PALM2AKAP2: variants seen among roughly 807,000 people sequenced by gnomAD.
PALM2AKAP2 encodes the protein PALM2-AKAP2 fusion protein.
In PALM2AKAP2, 37 loss-of-function variants were observed where a neutral mutation model predicts 71.5. The ratio of observed to expected loss-of-function variants is 0.52; its 90% CI spans 0.40 to 0.68. The LOEUF (loss-of-function observed/expected upper bound fraction) is 0.68, where lower values mean the gene tolerates loss of function less well. PALM2AKAP2 is among the 30% of genes least tolerant of loss of function. The pLI is 0.00. For missense variants in PALM2AKAP2, 1,224 were observed against 1,191.8 expected, an observed-to-expected ratio of 1.03 and a Z score of -0.40; for synonymous variants, 468 against 478.8, an observed-to-expected ratio of 0.98 and a Z score of 0.29.
intron 1 of PALM2AKAP2, among the ~76,000 whole-genome samples, chr9:110,070,421 A>G (rs952945103): frequency 2.6e-5 from 4 of 152,186 alleles, no homozygotes; most frequent in African/African-American, 9.7e-5. Context: ...AGTAAATTTA[A>G]AAACTAAAAA....
At chr9:109,881,737 A>G (rs1255387237) in intron 3 of PALM2AKAP2, among the ~76,000 whole-genome samples, 1 of 152,140 alleles carries the variant, frequency 6.6e-6, no homozygotes, top group African/African-American at 2.4e-5. Flanking sequence ...ACACCTAGCC[A>G]GAGAGATATG....
intron 1 of PALM2AKAP2, among the ~76,000 whole-genome samples, chr9:110,074,888 A>C (rs112505022): frequency 0.057 from 8,744 of 152,232 alleles, 347 homozygotes; most frequent in Non-Finnish European, 0.09. Context: ...CTGTAATCCC[A>C]GCTACTTGGG....
chr9:110,094,883 G>T (rs922425185), intron 1 of PALM2AKAP2, among the ~76,000 whole-genome samples: 9 of 152,188 alleles, frequency 5.9e-5, no homozygotes, highest in Non-Finnish European at 1.2e-4. Flanking sequence ...AAGAAGTATT[G>T]TTAGCATAGT....
At chr9:109,757,719 A>G (rs1239222135) in intron 1 of PALM2AKAP2, among the ~76,000 whole-genome samples, 1 of 152,044 alleles carries the variant, frequency 6.6e-6, no homozygotes, top group African/African-American at 2.4e-5. Flanking sequence ...TAGATCTTAG[A>G]GATCAACTTC....
intron 3 of PALM2AKAP2, among the ~76,000 whole-genome samples, chr9:109,917,117 A>T (rs1403990169): frequency 1.3e-5 from 2 of 152,176 alleles, no homozygotes; most frequent in Admixed American, 1.3e-4. Context: ...AATCAGAAGG[A>T]GGGGTGGCTG....
At chr9:109,744,468 C>T (rs1031852641) in intron 1 of PALM2AKAP2, among the ~76,000 whole-genome samples, 4 of 152,162 alleles carry the variant, frequency 2.6e-5, no homozygotes, top group South Asian at 4.1e-4. Context: ...GGGCAATTTT[C>T]GGAGCCTAAT....
At position 110,010,511 on chromosome 9, in the gene PALM2AKAP2, AT is replaced by A. The variant is rs931026176; in HGVS notation, c.497-5442del. On this transcript the variant is annotated intron_variant, in intron 6 of 9. Transcript: ENST00000302798. ...TATAGAATAGTTAATATAGCAATAT[AT>A]AATATAATTATATAAATTCTCTACA... Among the ~76,000 whole-genome samples the A allele has an allele frequency of 8.5e-4, 125 of 147,568 alleles. 1 individual carries two copies. The highest frequency in any genetic ancestry group is 3.0e-3 in the African/African-American group (121 of 40,596).
At chr9:110,031,278 C>T (rs191657913) in intron 7 of PALM2AKAP2, among the ~76,000 whole-genome samples, 88 of 152,048 alleles carry the variant, frequency 5.8e-4, no homozygotes, top group Admixed American at 2.0e-3. Flanking sequence ...TACAGGTGTG[C>T]GCCACCAGGC....
intron 1 of PALM2AKAP2, among the ~76,000 whole-genome samples, chr9:109,790,532 A>T (rs535521980): frequency 2.5e-4 from 38 of 152,200 alleles, no homozygotes; most frequent in Non-Finnish European, 4.7e-4. Flanking sequence ...AATGTCGACA[A>T]CTTTGAGGCC....
intron 2 of PALM2AKAP2, among the ~76,000 whole-genome samples, chr9:110,154,838 G>A (rs563229749): frequency 6.6e-6 from 1 of 152,244 alleles, no homozygotes; most frequent in Admixed American, 6.5e-5. Flanking sequence ...GGTGTATCCT[G>A]CCAAACATAT....
At chr9:110,115,517 TGATCCA>T (rs1191060559) in intron 1 of PALM2AKAP2, among the ~76,000 whole-genome samples, 19 of 152,342 alleles carry the variant, frequency 1.2e-4, no homozygotes, top group Non-Finnish European at 1.5e-4. Context: ...GTGCCTGTCC[TGATCCA>T]GAATTACCAC....
At chr9:109,797,783 T>C (rs1827306990) in intron 1 of PALM2AKAP2, among the ~76,000 whole-genome samples, 1 of 152,234 alleles carries the variant, frequency 6.6e-6, no homozygotes, top group South Asian at 2.1e-4. Flanking sequence ...TTTGAGCATA[T>C]AGGCCATCAG....
chr9:109,850,250 C>T (rs1226956823), intron 1 of PALM2AKAP2, among the ~76,000 whole-genome samples: 2 of 152,132 alleles, frequency 1.3e-5, no homozygotes, highest in Non-Finnish European at 2.9e-5. Context: ...ATGGAGGTTG[C>T]ATAAAAGAAA....
At chr9:109,735,985 A>C (rs1430358941) in intron 1 of PALM2AKAP2, among the ~76,000 whole-genome samples, 3 of 152,198 alleles carry the variant, frequency 2.0e-5, no homozygotes, top group Non-Finnish European at 4.4e-5. Context: ...CTCCCATGGT[A>C]GTTATCTTTA....
chr9:110,136,417 A>G, exon 2 of PALM2AKAP2: 1 of 1,614,216 alleles, frequency 6.2e-7, no homozygotes, highest in Non-Finnish European at 8.5e-7. Flanking sequence ...ATGAGGTGCT[A>G]GAGGCCAACT....
chr9:109,895,626 A>C (rs981971334), intron 3 of PALM2AKAP2, among the ~76,000 whole-genome samples: 1 of 152,182 alleles, frequency 6.6e-6, no homozygotes, highest in African/African-American at 2.4e-5. Flanking sequence ...ACCTTCTCTT[A>C]CTTTTAAAGA....
rs1403835194 is a variant in PALM2AKAP2, at chr9:109,898,481, T to C, written c.257+17800T>C. Among the ~76,000 whole-genome samples the C allele has an allele frequency of 2.0e-5, 3 of 152,234 alleles. No homozygotes were observed. The East Asian group carries it at 5.8e-4, about 29-fold the overall frequency. On this transcript the variant is annotated intron_variant, in intron 3 of 9. Coordinates refer to the PALM2AKAP2 transcript ENST00000302798. ...ATGTTAGAAATAAACACATAAATAA[T>C]AAACAGTCTTGCCTGGACTGGTTCA...
chr9:109,668,324 A>T (rs1202059236), intron 1 of PALM2AKAP2, among the ~76,000 whole-genome samples: 1 of 152,230 alleles, frequency 6.6e-6, no homozygotes, highest in Non-Finnish European at 1.5e-5. Flanking sequence ...CTGTTTATAA[A>T]ACTGTCATTT....
At chr9:109,744,699 G>A (rs1286785908) in intron 1 of PALM2AKAP2, among the ~76,000 whole-genome samples, 1 of 152,166 alleles carries the variant, frequency 6.6e-6, no homozygotes, top group Non-Finnish European at 1.5e-5. Context: ...TGCATTAACT[G>A]GGATTCCAGG....
Sources: allele counts gnomAD v4.1 joint callset (sites outside exome capture counted in the v4.1 genomes callset), GRCh38; gene constraint gnomAD v4.1.1; transcripts MANE v1.5; gene names NCBI Gene and HGNC (gene_info 2026-07-23, HGNC 2026-07-21).